Variants in KCNJ3 observed in about 807,000 individuals in gnomAD.
KCNJ3 encodes G protein-activated inward rectifier potassium channel 1.
Under a neutral mutation model 39.2 loss-of-function variants are expected in KCNJ3, and 4 were observed. The ratio of observed to expected loss-of-function variants is 0.10; its 90% CI spans 0.05 to 0.23. KCNJ3 has a LOEUF of 0.23. Ranked by LOEUF, KCNJ3 falls within the 10% of genes least tolerant of loss-of-function variation. The pLI is 1.00. For synonymous variants in KCNJ3, 230 were observed against 237.4 expected, an observed-to-expected ratio of 0.97 and a Z score of 0.29; for missense variants, 276 against 634.9, an observed-to-expected ratio of 0.43 and a Z score of 6.08.
At chr2:154,730,395 G>T (rs1050355813) in intron 2 of KCNJ3, among the ~76,000 whole-genome samples, 1 of 151,980 alleles carries the variant, frequency 6.6e-6, no homozygotes, top group African/African-American at 2.4e-5. Context: ...AGTTTTAAAA[G>T]TTATGTTAAT....
intron 2 of KCNJ3, among the ~76,000 whole-genome samples, chr2:154,836,231 A>G (rs1367926375): frequency 1.9e-5 from 1 of 52,612 alleles, no homozygotes; most frequent in Admixed American, 2.4e-4. Context: ...AAAAAAAACA[A>G]AAAAAAAAAC....
chr2:154,779,453 T>A (rs201864181), intron 2 of KCNJ3, among the ~76,000 whole-genome samples: 28 of 143,404 alleles, frequency 2.0e-4, no homozygotes, highest in African/African-American at 4.5e-4. Flanking sequence ...TATATATATT[T>A]TATATATATA....
At chr2:154,834,702 G>A (rs1455453724) in intron 2 of KCNJ3, among the ~76,000 whole-genome samples, 1 of 149,304 alleles carries the variant, frequency 6.7e-6, no homozygotes, top group Non-Finnish European at 1.5e-5. Context: ...ACTCCCGCCT[G>A]GGTGACAGAG....
At chr2:154,767,406 A>G (rs1036836893) in intron 2 of KCNJ3, among the ~76,000 whole-genome samples, 33 of 152,088 alleles carry the variant, frequency 2.2e-4, no homozygotes, top group African/African-American at 7.7e-4. Flanking sequence ...TCATTGTTCA[A>G]TTCCCAACTA....
chr2:154,735,712 A>G (rs1685519108), intron 2 of KCNJ3, among the ~76,000 whole-genome samples: 1 of 152,216 alleles, frequency 6.6e-6, no homozygotes. Flanking sequence ...TCTGAAATGT[A>G]GTTGGTCCTT....
chr2:154,704,776 T>A (rs1237942634), intron 1 of KCNJ3, among the ~76,000 whole-genome samples: 1 of 152,182 alleles, frequency 6.6e-6, no homozygotes, highest in Non-Finnish European at 1.5e-5. Flanking sequence ...TTCTGGTACC[T>A]GCGTTTGGCT....
chr2:154,768,546 A>C (rs1305888473), intron 2 of KCNJ3, among the ~76,000 whole-genome samples: 1 of 152,046 alleles, frequency 6.6e-6, no homozygotes, highest in African/African-American at 2.4e-5. Flanking sequence ...ATTGGTCTAT[A>C]TCTCTGTTTT....
chr2:154,845,742 G>A (rs34786701), intron 2 of KCNJ3, among the ~76,000 whole-genome samples: 39,849 of 151,930 alleles, frequency 0.26, 6,223 homozygotes, highest in Non-Finnish European at 0.35. Context: ...AGGCTGAGGC[G>A]GGTGGATCAC....
Position 154,781,463 on chromosome 2 carries a change from T to C in KCNJ3, c.919+71644T>C, listed in dbSNP as rs77246473. Among the ~76,000 whole-genome samples the C allele has an allele frequency of 1.8e-3, 275 of 152,306 alleles. 6 individuals carry two copies. In the East Asian group the frequency reaches 0.041, roughly 23 times the overall value. On this transcript the variant is annotated intron_variant, in intron 2 of 2. Transcript: ENST00000295101. Reference sequence around the variant, plus strand: ...CCAAGGAGGTCTTACCTTTGAATTTTAGTATTTGCTGGTAGGAAAAATATA... The same window carrying C: ...CCAAGGAGGTCTTACCTTTGAATTTCAGTATTTGCTGGTAGGAAAAATATA...
At chr2:154,817,188 A>G (rs991699722) in intron 2 of KCNJ3, among the ~76,000 whole-genome samples, 3 of 152,196 alleles carry the variant, frequency 2.0e-5, no homozygotes, top group African/African-American at 7.2e-5. Flanking sequence ...CTTCTTTTGC[A>G]TTCCAATAAT....
At chr2:154,710,723 A>T (rs768860825) in intron 2 of KCNJ3, among the ~76,000 whole-genome samples, 2 of 152,160 alleles carry the variant, frequency 1.3e-5, no homozygotes, top group African/African-American at 4.8e-5. Flanking sequence ...TTCTACCACT[A>T]TCATCTGAAT....
chr2:154,777,968 T>C (rs553500989), intron 2 of KCNJ3, among the ~76,000 whole-genome samples: 42 of 152,318 alleles, frequency 2.8e-4, no homozygotes, highest in African/African-American at 9.9e-4. Flanking sequence ...ATAGTTTCTG[T>C]TTCCTGCTAT....
chr2:154,796,544 A>G (rs1216164510), intron 2 of KCNJ3, among the ~76,000 whole-genome samples: 2 of 152,154 alleles, frequency 1.3e-5, no homozygotes, highest in African/African-American at 2.4e-5. Flanking sequence ...TTTTTGTATC[A>G]AATGCAGGCA....
At chr2:154,785,788 C>T (rs748853978) in intron 2 of KCNJ3, among the ~76,000 whole-genome samples, 1 of 152,100 alleles carries the variant, frequency 6.6e-6, no homozygotes, top group South Asian at 2.1e-4. Flanking sequence ...TCAAATTTCC[C>T]CTTCTTATAA....
At chr2:154,772,467 G>A (rs1474755098) in intron 2 of KCNJ3, among the ~76,000 whole-genome samples, 1 of 151,972 alleles carries the variant, frequency 6.6e-6, no homozygotes, top group East Asian at 1.9e-4. Flanking sequence ...GTTTTCGTGG[G>A]TATTAAAAAT....
At chr2:154,773,634 T>C (rs1228493893) in intron 2 of KCNJ3, among the ~76,000 whole-genome samples, 1 of 152,168 alleles carries the variant, frequency 6.6e-6, no homozygotes, top group Non-Finnish European at 1.5e-5. Flanking sequence ...TATTCTGACT[T>C]TGATATCACT....
intron 2 of KCNJ3, among the ~76,000 whole-genome samples, chr2:154,737,934 G>A (rs1163943404): frequency 3.9e-5 from 6 of 152,006 alleles, no homozygotes; most frequent in African/African-American, 1.4e-4. Context: ...TCTCAAGGAG[G>A]CAAAAGAAAG....
At chr2:154,846,457 A>G (rs541858923) in intron 2 of KCNJ3, among the ~76,000 whole-genome samples, 4 of 152,294 alleles carry the variant, frequency 2.6e-5, no homozygotes, top group Non-Finnish European at 5.9e-5. Flanking sequence ...AGGTTATATC[A>G]TTTGTAGTCA....
chr2:154,818,396 A>G (rs542938422), intron 2 of KCNJ3, among the ~76,000 whole-genome samples: 1 of 152,246 alleles, frequency 6.6e-6, no homozygotes, highest in Admixed American at 6.6e-5. Context: ...GTCATAGACC[A>G]GTGTTGTTCA....
Sources: allele counts gnomAD v4.1 joint callset (sites outside exome capture counted in the v4.1 genomes callset), GRCh38; gene constraint gnomAD v4.1.1; transcripts MANE v1.5; gene names NCBI Gene and HGNC (gene_info 2026-07-23, HGNC 2026-07-21).